Variants in LNPEP observed in about 807,000 individuals in gnomAD.
LNPEP encodes the protein leucyl and cystinyl aminopeptidase, also known as leucyl-cystinyl aminopeptidase.
A neutral mutation model predicts 120.6 loss-of-function variants in LNPEP; 64 were observed. The ratio of observed to expected loss-of-function variants is 0.53; its 90% CI spans 0.43 to 0.65. The LOEUF is 0.65. LNPEP is among the 30% of genes least tolerant of loss of function. The pLI, the probability that LNPEP is intolerant of heterozygous loss-of-function variation, is 0.00. For missense variants in LNPEP, 1,057 were observed against 1,200.0 expected (o/e 0.88, Z 1.76); for synonymous variants, 435 against 425.4 (o/e 1.02, Z -0.28).
chr5:96,938,638 TCTAC>T (rs1788979060), intron 1 of LNPEP, among the ~76,000 whole-genome samples: 2 of 152,238 alleles, frequency 1.3e-5, no homozygotes, highest in African/African-American at 4.8e-5. Flanking sequence ...GGCCCTGCTC[TCTAC>T]CTGTTGATAA....
At position 97,030,618 on chromosome 5, in the gene LNPEP, C is replaced by CTGTGTGTGTGTG. The variant is rs1358817096; in HGVS notation, c.*2086_*2087insGTGTGTGTGTGT. 1 of 68,564 alleles carries CTGTGTGTGTGTG rather than the reference C, an allele frequency of 1.5e-5. No homozygotes were observed. The highest frequency in any genetic ancestry group is 3.3e-5 in the Non-Finnish European group (1 of 29,886). 4.2% of individuals were successfully genotyped at this position (68,564 alleles called of 1,614,324 possible). ...ATCATTTCTCTCCCTCTCTCTCTCT[C>CTGTGTGTGTGTG]TCTGTGTGTGTGTGTGTGTGTGTGT... On this transcript the variant is annotated 3_prime_UTR_variant, in exon 18 of 18. Coordinates refer to ENST00000231368, the MANE Select transcript of LNPEP (RefSeq NM_005575.3).
chr5:97,007,488 A>G (rs1278338164), intron 11 of LNPEP, among the ~76,000 whole-genome samples: 1 of 152,218 alleles, frequency 6.6e-6, no homozygotes. Flanking sequence ...CCTGGCACAT[A>G]TTATGTGCTG....
rs772486034 is a variant in LNPEP, at chr5:97,029,319, A to G, written c.*786A>G. 2 of 152,332 alleles carry G rather than the reference A, an allele frequency of 1.3e-5. No homozygotes were observed. Among genetic ancestry groups the G allele is most frequent in the Non-Finnish European group, 2.9e-5 (2 of 68,042 alleles). The allele number at this position is 152,332 out of a possible 1,614,324, so 9.4% of individuals were successfully genotyped here. On this transcript the variant is annotated 3_prime_UTR_variant, in exon 18 of 18. Transcript: ENST00000231368. ...ATAATTATTTTATTCATAAATGGTG[A>G]TAGTCCCCAGATCTGTACACCTTTA...
intron 1 of LNPEP, among the ~76,000 whole-genome samples, chr5:96,948,525 CAA>C (rs1451076541): frequency 8.5e-5 from 13 of 152,168 alleles, no homozygotes; most frequent in Non-Finnish European, 1.2e-4. Flanking sequence ...ATTCTATTTT[CAA>C]AAAGATGCCC....
chr5:96,985,700 T>C (rs767413939), intron 3 of LNPEP, among the ~76,000 whole-genome samples: 21 of 151,950 alleles, frequency 1.4e-4, no homozygotes, highest in Non-Finnish European at 2.8e-4. Flanking sequence ...GCAGTGAGGG[T>C]GAAACCAATA....
At chr5:96,963,111 C>A (rs1278388956) in intron 1 of LNPEP, among the ~76,000 whole-genome samples, 1 of 152,282 alleles carries the variant, frequency 6.6e-6, no homozygotes, top group African/African-American at 2.4e-5. Flanking sequence ...TGAGACACTG[C>A]ATGTGTTCCC....
intron 13 of LNPEP, among the ~76,000 whole-genome samples, chr5:97,021,420 G>A (rs1236572553): frequency 6.6e-6 from 1 of 152,088 alleles, no homozygotes; most frequent in Non-Finnish European, 1.5e-5. Context: ...ATTCTTCCCT[G>A]CAGGTCTCAT....
intron 14 of LNPEP, 152 bp downstream of exon 14, chr5:97,022,636 C>CTTT: frequency 1.1e-5 from 6 of 525,662 alleles, no homozygotes; most frequent in South Asian, 2.5e-5. Flanking sequence ...TCAAACAAGA[C>CTTT]TTTTTTTTTT....
At chr5:96,947,486 A>T (rs1300452516) in intron 1 of LNPEP, among the ~76,000 whole-genome samples, 4 of 152,328 alleles carry the variant, frequency 2.6e-5, no homozygotes, top group African/African-American at 9.6e-5. Context: ...GGATAAAGCA[A>T]CCAAATGCTC....
intron 1 of LNPEP, among the ~76,000 whole-genome samples, chr5:96,945,405 CAA>C (rs751074987): frequency 8.0e-4 from 52 of 65,248 alleles, no homozygotes; most frequent in Non-Finnish European, 5.4e-4. Flanking sequence ...GACCCTATCT[CAA>C]AAAAAAAAAA....
intron 14 of LNPEP, among the ~76,000 whole-genome samples, chr5:97,024,010 C>T (rs1791277267): frequency 6.6e-6 from 1 of 152,086 alleles, no homozygotes; most frequent in Non-Finnish European, 1.5e-5. Flanking sequence ...CAGCTCCTTA[C>T]CGTGCATTAT....
chr5:96,945,788 G>A (rs1235978586), intron 1 of LNPEP, among the ~76,000 whole-genome samples: 1 of 152,080 alleles, frequency 6.6e-6, no homozygotes, highest in South Asian at 2.1e-4. Flanking sequence ...GGGTCCATTC[G>A]GTCAGTTGAG....
At chr5:96,971,935 A>T (rs548651231) in intron 1 of LNPEP, among the ~76,000 whole-genome samples, 2 of 152,130 alleles carry the variant, frequency 1.3e-5, no homozygotes, top group Non-Finnish European at 2.9e-5. Flanking sequence ...ACTAAATACA[A>T]TGCAATATCT....
At chr5:97,015,735 AAC>A (rs1461560955) in intron 13 of LNPEP, among the ~76,000 whole-genome samples, 1 of 152,096 alleles carries the variant, frequency 6.6e-6, no homozygotes, top group Non-Finnish European at 1.5e-5. Flanking sequence ...GCATTTTGAC[AAC>A]AGAGTTTGCT....
Position 96,979,989 on chromosome 5 carries a change from C to G in LNPEP, c.860+11C>G, listed in dbSNP as rs1790087284. The G allele has an allele frequency of 6.4e-7, 1 of 1,563,338 alleles. No individual in the cohort carries two copies. Among genetic ancestry groups the G allele is most frequent in the Middle Eastern group, 1.7e-4 (1 of 5,798 alleles). On this transcript the variant is annotated intron_variant, in intron 2 of 17. Transcript: ENST00000231368. ...AAGTAATGAGAAAAAGTAGGTAGCCCTCTTAAATGATTCTGGTTTTACGCT... is the reference window on the plus strand; with the variant it reads ...AAGTAATGAGAAAAAGTAGGTAGCCGTCTTAAATGATTCTGGTTTTACGCT...
chr5:96,996,334 A>T (rs2112632206), intron 6 of LNPEP, 56 bp from the exon 7 acceptor site: 1 of 978,194 alleles, frequency 1.0e-6, no homozygotes, highest in South Asian at 1.3e-5. Context: ...CCAATTATTT[A>T]AAAAATTCCT....
In LNPEP at chr5:97,028,527, GC is replaced by G. The variant is rs756482414; in HGVS notation, c.3073del (p.Leu1025CysfsTer44). The stretch of plus-strand genomic sequence containing the variant: ...AGAACCTCAAAAGTCTCACATGGTG[GC>G]TGTAGCATGCACAACCGCACCTCAT... ...EKNLKSLTWW[L>X] On this transcript the variant is annotated frameshift_variant, in exon 18 of 18. Transcript: ENST00000231368. LOFTEE classifies it high-confidence loss of function. 2 of 1,613,478 alleles carry G rather than the reference GC, an allele frequency of 1.2e-6. No individual in the cohort carries two copies. Among genetic ancestry groups the G allele is most frequent in the African/African-American group, 2.7e-5 (2 of 74,904 alleles).
intron 1 of LNPEP, among the ~76,000 whole-genome samples, chr5:96,975,033 ACT>A (rs1789956265): frequency 6.6e-6 from 1 of 152,010 alleles, no homozygotes; most frequent in Non-Finnish European, 1.5e-5. Context: ...CACCCAGATC[ACT>A]CTCTTGAGCT....
chr5:96,980,523 T>C (rs1341577822), intron 2 of LNPEP, among the ~76,000 whole-genome samples: 1 of 152,156 alleles, frequency 6.6e-6, no homozygotes. Flanking sequence ...AGGAGAGACT[T>C]AATTTGGTTC....
Sources: gnomAD v4.1 joint callset for allele counts (sites outside exome capture counted in the v4.1 genomes callset) on GRCh38, gnomAD v4.1.1 for gene constraint, MANE v1.5 for transcripts, NCBI Gene and HGNC (gene_info 2026-07-23, HGNC 2026-07-21) for gene names.